DNAH17: variants seen among roughly 807,000 people sequenced by gnomAD.
DNAH17 encodes axonemal beta dynein heavy chain 17.
DNAH17 carries 376 observed loss-of-function variants against 485.6 expected under a neutral mutation model. The observed-to-expected ratio is 0.77, with a 90% CI of 0.71 to 0.84. The LOEUF (loss-of-function observed/expected upper bound fraction) is 0.84, where lower values mean the gene tolerates loss of function less well. Ranked by LOEUF, DNAH17 falls within the 40% of genes least tolerant of loss-of-function variation. The pLI is 0.00. For synonymous variants in DNAH17, 3,031 were observed against 2,405.9 expected (o/e 1.26, Z -7.60); for missense variants, 6,370 against 5,839.3 (o/e 1.09, Z -2.96).
chr17:78,490,885 A>G, intron 43 of DNAH17, 38 bp from the exon 44 acceptor site: 1 of 1,546,994 alleles, frequency 6.5e-7, no homozygotes, highest in Non-Finnish European at 8.7e-7. Flanking sequence ...TCCTAAGGCG[A>G]CACCTGCCAT....
chr17:78,507,810 T>TG lies in DNAH17; in HGVS notation c.4237-6dup. On this transcript the variant is annotated splice_polypyrimidine_tract_variant and splice_region_variant and intron_variant, in intron 27 of 80. Coordinates refer to ENST00000389840, the MANE Select transcript of DNAH17 (RefSeq NM_173628.4). The stretch of plus-strand genomic sequence containing the variant: ...ACTGTCCAGGGCTTTCAGCACCTTT[T>TG]GGGGGAACAGAAAAATAAGGTCACT... 1 of 1,546,028 alleles carries TG rather than the reference T, an allele frequency of 6.5e-7. No homozygotes were observed. Among genetic ancestry groups the TG allele is most frequent in the Non-Finnish European group, 8.7e-7 (1 of 1,148,380 alleles).
At chr17:78,443,363 C>A (rs1385331520) in intron 71 of DNAH17, among the ~76,000 whole-genome samples, 1 of 152,142 alleles carries the variant, frequency 6.6e-6, no homozygotes, top group African/African-American at 2.4e-5. Context: ...CAGCTCTGAC[C>A]CTGGGACACA....
intron 11 of DNAH17, among the ~76,000 whole-genome samples, chr17:78,564,972 A>G (rs929170309): frequency 1.3e-4 from 20 of 151,980 alleles, no homozygotes; most frequent in African/African-American, 4.3e-4. Context: ...TGCTTAGCCA[A>G]AGATTCTCAT....
At chr17:78,484,747 C>A (rs866083077) in intron 48 of DNAH17, 121 bp downstream of exon 48, 1 of 253,602 alleles carries the variant, frequency 3.9e-6, no homozygotes. Flanking sequence ...GCACCCCCCC[C>A]ACCGCCCCAC....
chr17:78,556,957 C>T (rs992884017), intron 14 of DNAH17, among the ~76,000 whole-genome samples: 13 of 152,204 alleles, frequency 8.5e-5, no homozygotes, highest in African/African-American at 2.2e-4. Context: ...GTTCCCGACT[C>T]GGCTTCCAGG....
rs767820731 is a variant in DNAH17 at position 78,461,649 on chromosome 17, C to G, written c.9234G>C (p.Glu3078Asp). Residue 3078 changes from glutamate to aspartate, a missense_variant, in exon 58 of 81, where the codon GAG becomes GAC. Glu to Asp is a conservative substitution (Grantham distance 45). Coordinates refer to ENST00000389840, the MANE Select transcript of DNAH17 (RefSeq NM_173628.4). The part of the protein sequence containing the change: ...IQEAELKQKN[E>D]SADQLIQVVG... The stretch of plus-strand genomic sequence containing the variant: ...CCACCTGGATCAGTTGGTCTGCGCT[C>G]TCATTCTTCTGCTTGAGCTCAGCCT... 3.1e-6 allele frequency: 5 copies of G among 1,612,108 alleles called. No individual in the cohort carries two copies. The South Asian group carries it at 3.3e-5, about 11-fold the overall frequency.
intron 30 of DNAH17, among the ~76,000 whole-genome samples, chr17:78,506,440 G>A (rs1242016652): frequency 1.3e-5 from 2 of 152,118 alleles, no homozygotes; most frequent in Non-Finnish European, 2.9e-5. Flanking sequence ...TAAGCCTCTG[G>A]CATACGACCC....
chr17:78,436,873 CAAACAA>C (rs1486768040), intron 74 of DNAH17, among the ~76,000 whole-genome samples: 76 of 150,950 alleles, frequency 5.0e-4, no homozygotes, highest in African/African-American at 9.5e-4. Flanking sequence ...AACAAACAAA[CAAACAA>C]ACACGTGGCC....
intron 15 of DNAH17, among the ~76,000 whole-genome samples, chr17:78,551,871 T>C (rs1027561330): frequency 6.6e-6 from 1 of 150,606 alleles, no homozygotes; most frequent in African/African-American, 2.5e-5. Flanking sequence ...GCTGAGGCAG[T>C]AGAATAGCTT....
chr17:78,441,251 C>T (rs748567643), intron 71 of DNAH17, 52 bp from the exon 72 acceptor site: 9 of 1,596,532 alleles, frequency 5.6e-6, no homozygotes, highest in South Asian at 3.4e-5. Context: ...TGGGCCAGGG[C>T]GGGGCGCTCG....
chr17:78,444,345 ACT>A (rs1317836248), intron 71 of DNAH17, among the ~76,000 whole-genome samples: 1 of 152,124 alleles, frequency 6.6e-6, no homozygotes, highest in African/African-American at 2.4e-5. Flanking sequence ...CCCTAATGAT[ACT>A]CTGAGACATT....
chr17:78,496,334 T>TA (rs1275487238), intron 37 of DNAH17, among the ~76,000 whole-genome samples: 3 of 145,482 alleles, frequency 2.1e-5, no homozygotes, highest in Non-Finnish European at 4.5e-5. Context: ...CCTGTCTCAA[T>TA]AAAAAATACA....
intron 31 of DNAH17, 116 bp downstream of exon 31, chr17:78,505,177 G>T: frequency 7.3e-7 from 1 of 1,364,220 alleles, no homozygotes. Context: ...AGCAGGGGCG[G>T]GCTGGCAGCT....
At chr17:78,485,506 C>CG (rs568850907) in intron 47 of DNAH17, 44 bp downstream of exon 47, 53 of 1,521,860 alleles carry the variant, frequency 3.5e-5, no homozygotes, top group East Asian at 1.7e-4. Flanking sequence ...CGGGGACTGG[C>CG]GGGGGGCAGC....
intron 44 of DNAH17, among the ~76,000 whole-genome samples, chr17:78,487,944 T>C (rs1474181505): frequency 3.3e-5 from 5 of 152,198 alleles, no homozygotes; most frequent in African/African-American, 1.2e-4. Context: ...TTATCCAGCG[T>C]AATAGAGTAA....
intron 71 of DNAH17, among the ~76,000 whole-genome samples, chr17:78,443,004 C>T (rs577590268): frequency 2.0e-5 from 3 of 152,188 alleles, no homozygotes; most frequent in South Asian, 4.1e-4. Context: ...CTGCTTTGCT[C>T]CACGTCATAG....
At chr17:78,541,254 G>C (rs1339604152) in intron 17 of DNAH17, among the ~76,000 whole-genome samples, 1 of 39,362 alleles carries the variant, frequency 2.5e-5, no homozygotes, top group Non-Finnish European at 4.5e-5. Flanking sequence ...GGGGTGAGCA[G>C]ATGGGTGGGG....
chr17:78,444,753 G>A lies in DNAH17; in HGVS notation c.11379C>T (p.Ile3793=), dbSNP rs367920298. ...TTTTCCAGCGCTTGGCAGATCCTTC[G>A]ATGTCACTGTCCAGATTTTTGAACT... ...MDEFKNLDSD[I]EGSAKRWKKL... Residue 3793 remains isoleucine (I), a synonymous_variant, in exon 71 of 81, where the codon ATC becomes ATT. Transcript: ENST00000389840. 77 of 1,597,772 alleles carry A rather than the reference G, an allele frequency of 4.8e-5. 1 individual carries two copies. In the South Asian group the frequency reaches 6.7e-4, roughly 14 times the overall value.
intron 1 of DNAH17, among the ~76,000 whole-genome samples, chr17:78,575,883 G>T (rs1173137474): frequency 2.0e-5 from 3 of 152,232 alleles, no homozygotes; most frequent in Non-Finnish European, 2.9e-5. Flanking sequence ...ACAAATTTAT[G>T]AACAAAATAC....
Sources: gnomAD v4.1 joint callset for allele counts (sites outside exome capture counted in the v4.1 genomes callset) on GRCh38, gnomAD v4.1.1 for gene constraint, MANE v1.5 for transcripts, NCBI Gene and HGNC (gene_info 2026-07-23, HGNC 2026-07-21) for gene names.